NRXN3: variants seen among roughly 807,000 people sequenced by gnomAD.
NRXN3 encodes the protein neurexin III.
In NRXN3, 32 loss-of-function variants were observed where a neutral mutation model predicts 137.6. The observed-to-expected ratio is 0.23, with a 90% CI of 0.18 to 0.31. NRXN3 has a LOEUF of 0.31. NRXN3 is among the 10% of genes least tolerant of loss of function. NRXN3 has a pLI of 1.00. For missense variants in NRXN3, 1,574 were observed against 2,062.5 expected (o/e 0.76, Z 4.59); for synonymous variants, 798 against 784.5 (o/e 1.02, Z -0.29).
At chr14:79,380,990 C>A (rs999901015) in intron 15 of NRXN3, among the ~76,000 whole-genome samples, 1 of 152,024 alleles carries the variant, frequency 6.6e-6, no homozygotes, top group African/African-American at 2.4e-5. Context: ...CCATTACTGG[C>A]CCCACCTTGG....
At chr14:78,356,107 G>A (rs564217243) in intron 4 of NRXN3, among the ~76,000 whole-genome samples, 1 of 152,332 alleles carries the variant, frequency 6.6e-6, no homozygotes, top group African/African-American at 2.4e-5. Context: ...AAGGCCAATT[G>A]TTGACACAGA....
intron 15 of NRXN3, among the ~76,000 whole-genome samples, chr14:79,352,527 T>C (rs113417106): frequency 1.9e-3 from 293 of 152,240 alleles, no homozygotes; most frequent in Non-Finnish European, 3.3e-3. Flanking sequence ...GTGGAGGCAT[T>C]ATATGGATTT....
intron 20 of NRXN3, among the ~76,000 whole-genome samples, chr14:79,822,378 A>G (rs1015460444): frequency 6.6e-6 from 1 of 152,156 alleles, no homozygotes; most frequent in African/African-American, 2.4e-5. Context: ...ATATTTGGAT[A>G]CTGTATCATG....
At chr14:78,878,850 C>A (rs1371496978) in intron 10 of NRXN3, among the ~76,000 whole-genome samples, 1 of 151,906 alleles carries the variant, frequency 6.6e-6, no homozygotes. Context: ...CTCTCTAATC[C>A]CACCCGCCTA....
intron 20 of NRXN3, among the ~76,000 whole-genome samples, chr14:79,821,666 A>AC (rs1302524392): frequency 4.1e-5 from 3 of 73,002 alleles, no homozygotes; most frequent in African/African-American, 1.5e-4. Flanking sequence ...TAAAGCTAAG[A>AC]CCTTTTTTTT....
chr14:78,784,362 G>A (rs2098781704), intron 8 of NRXN3, among the ~76,000 whole-genome samples: 1 of 152,202 alleles, frequency 6.6e-6, no homozygotes, highest in Admixed American at 6.5e-5. Flanking sequence ...AAGCCAGCAT[G>A]CTGGGCTGTA....
At chr14:79,308,388 G>T (rs575851502) in intron 15 of NRXN3, among the ~76,000 whole-genome samples, 3 of 152,024 alleles carry the variant, frequency 2.0e-5, no homozygotes, top group Non-Finnish European at 4.4e-5. Context: ...CTGATTGCTC[G>T]TTACACTTGA....
intron 15 of NRXN3, among the ~76,000 whole-genome samples, chr14:79,357,424 T>G (rs1291405880): frequency 6.6e-6 from 1 of 152,178 alleles, no homozygotes; most frequent in Admixed American, 6.5e-5. Flanking sequence ...TGATTTCGGT[T>G]TGGTTTGGTC....
chr14:79,322,254 T>C (rs564753043), intron 15 of NRXN3, among the ~76,000 whole-genome samples: 171 of 152,362 alleles, frequency 1.1e-3, no homozygotes, highest in African/African-American at 4.0e-3. Context: ...AAATCCTTCA[T>C]GTGGCTTTGG....
intron 4 of NRXN3, among the ~76,000 whole-genome samples, chr14:78,360,204 A>G (rs942897912): frequency 6.6e-6 from 1 of 152,142 alleles, no homozygotes; most frequent in African/African-American, 2.4e-5. Context: ...GGAACTTGAC[A>G]GTGTCAAATG....
chr14:78,337,878 T>G (rs892486961), intron 4 of NRXN3, among the ~76,000 whole-genome samples: 9 of 152,104 alleles, frequency 5.9e-5, no homozygotes, highest in Non-Finnish European at 1.3e-4. Flanking sequence ...AAGTATATAG[T>G]TGGGTGGACT....
chr14:78,189,087 T>C, intron 1 of NRXN3, among the ~76,000 whole-genome samples: 1 of 152,178 alleles, frequency 6.6e-6, no homozygotes, highest in Non-Finnish European at 1.5e-5. Context: ...CTAACAGACT[T>C]AGAACAGTTT....
chr14:79,281,735 T>C (rs764945314), intron 15 of NRXN3: 2 of 152,254 alleles, frequency 1.3e-5, no homozygotes, highest in African/African-American at 2.4e-5. Flanking sequence ...TGTGTTGGTT[T>C]TGGCAGCTTT....
At chr14:79,260,720 A>G (rs552847136) in intron 15 of NRXN3, among the ~76,000 whole-genome samples, 7 of 152,124 alleles carry the variant, frequency 4.6e-5, no homozygotes, top group African/African-American at 7.2e-5. Context: ...TGTATTCTCA[A>G]TGTTACTTTA....
chr14:78,340,901 G>T (rs775522469), intron 4 of NRXN3, among the ~76,000 whole-genome samples: 1 of 152,134 alleles, frequency 6.6e-6, no homozygotes, highest in African/African-American at 2.4e-5. Context: ...TTTTATACCT[G>T]CTTAGCCCAA....
intron 7 of NRXN3, among the ~76,000 whole-genome samples, chr14:78,714,026 C>A (rs1049435793): frequency 6.6e-6 from 1 of 152,148 alleles, no homozygotes; most frequent in African/African-American, 2.4e-5. Flanking sequence ...CATCTCAGTG[C>A]CTAGAACTAT....
Position 79,465,025 on chromosome 14 carries a change from A to G in NRXN3, c.3263-2196A>G, listed in dbSNP as rs76745008. Reference sequence around the variant, plus strand: ...ATTTATCTCTGTAGCAGAATCCACTATATATTTAGGATAGAAAAGTAAAAG... The same window carrying G: ...ATTTATCTCTGTAGCAGAATCCACTGTATATTTAGGATAGAAAAGTAAAAG... On this transcript the variant is annotated intron_variant, in intron 15 of 20. Coordinates refer to ENST00000335750, the MANE Select transcript of NRXN3 (RefSeq NM_001330195.2). 8.3e-3 allele frequency among the ~76,000 whole-genome samples: 1,268 copies of G among 152,312 alleles called. 26 individuals carry two copies. The highest frequency in any genetic ancestry group is 0.029 in the African/African-American group (1,219 of 41,592).
chr14:79,808,426 T>A (rs986065662), intron 20 of NRXN3, among the ~76,000 whole-genome samples: 1 of 151,990 alleles, frequency 6.6e-6, no homozygotes, highest in African/African-American at 2.4e-5. Flanking sequence ...CATTTACACA[T>A]CTTTGACATA....
chr14:78,920,179 C>T (rs1357955095), intron 10 of NRXN3, among the ~76,000 whole-genome samples: 4 of 152,122 alleles, frequency 2.6e-5, no homozygotes, highest in African/African-American at 4.8e-5. Context: ...CAGAGACTCA[C>T]GCTGATGGAG....
Sources: allele counts gnomAD v4.1 joint callset (sites outside exome capture counted in the v4.1 genomes callset), GRCh38; gene constraint gnomAD v4.1.1; transcripts MANE v1.5; gene names NCBI Gene and HGNC (gene_info 2026-07-23, HGNC 2026-07-21).